Variants in NRXN3 observed in about 807,000 individuals in gnomAD.
NRXN3 encodes neurexin 3.
A neutral mutation model predicts 137.6 loss-of-function variants in NRXN3; 32 were observed. That is an observed-to-expected ratio of 0.23 (90% CI 0.18 to 0.31). The LOEUF (loss-of-function observed/expected upper bound fraction) is 0.31. NRXN3 is among the 10% of genes least tolerant of loss of function. The pLI, the probability that NRXN3 is intolerant of heterozygous loss-of-function variation, is 1.00. For synonymous variants in NRXN3, 798 were observed against 784.5 expected (o/e 1.02, Z -0.29); for missense variants, 1,574 against 2,062.5 (o/e 0.76, Z 4.59).
At chr14:79,045,245 C>T (rs2099631282) in intron 15 of NRXN3, among the ~76,000 whole-genome samples, 1 of 152,152 alleles carries the variant, frequency 6.6e-6, no homozygotes, top group South Asian at 2.1e-4. Context: ...CCTTCTTCAT[C>T]TCCTACTGCT....
chr14:78,839,519 C>T (rs763802674), intron 10 of NRXN3, among the ~76,000 whole-genome samples: 1 of 152,218 alleles, frequency 6.6e-6, no homozygotes, highest in Non-Finnish European at 1.5e-5. Flanking sequence ...GAGCTTTCCT[C>T]ACTGATGACA....
At chr14:79,622,470 C>T (rs1457801744) in intron 16 of NRXN3, among the ~76,000 whole-genome samples, 3 of 152,116 alleles carry the variant, frequency 2.0e-5, no homozygotes, top group Non-Finnish European at 2.9e-5. Context: ...AATTATTGTA[C>T]CTGTATGACA....
intron 15 of NRXN3, among the ~76,000 whole-genome samples, chr14:79,370,270 C>T (rs533242111): frequency 2.0e-5 from 3 of 151,864 alleles, no homozygotes; most frequent in African/African-American, 7.2e-5. Context: ...TATAGAACAA[C>T]CAGCTAAAGT....
rs376349041 is a variant in NRXN3 at position 79,865,773 on chromosome 14, G to A, written c.*3809G>A. 4 of 151,990 alleles carry A rather than the reference G, an allele frequency of 2.6e-5. No homozygotes were observed. The highest frequency in any genetic ancestry group is 2.1e-4 in the South Asian group (1 of 4,810). 9.4% of individuals were successfully genotyped at this position (151,990 alleles called of 1,614,324 possible). A position where few individuals can be genotyped will look rare whatever the true frequency, so the allele number is the denominator to read the frequency against. On this transcript the variant is annotated 3_prime_UTR_variant, in exon 21 of 21. Transcript: ENST00000335750. ...CCTGAGTAGCTGCGACTACAGGCAT[G>A]GGCCACCACACCCAGCTCATTTTTT...
At chr14:79,310,731 G>T (rs888400839) in intron 15 of NRXN3, among the ~76,000 whole-genome samples, 1 of 116,262 alleles carries the variant, frequency 8.6e-6, no homozygotes, top group Non-Finnish European at 1.7e-5. Context: ...TTGGCTCTCT[G>T]TTTGTCTGTT....
chr14:78,798,645 C>T (rs555522456), intron 8 of NRXN3, among the ~76,000 whole-genome samples: 15 of 152,356 alleles, frequency 9.8e-5, no homozygotes, highest in Admixed American at 2.6e-4. Flanking sequence ...CCACATTTCC[C>T]TTCGGCACTG....
chr14:79,801,017 A>G (rs1474546895), intron 19 of NRXN3, among the ~76,000 whole-genome samples: 2 of 152,206 alleles, frequency 1.3e-5, no homozygotes, highest in Non-Finnish European at 2.9e-5. Context: ...TTTCCATACT[A>G]CACAGTGTTC....
intron 15 of NRXN3, among the ~76,000 whole-genome samples, chr14:79,269,123 C>A (rs1452682179): frequency 6.6e-6 from 1 of 152,068 alleles, no homozygotes; most frequent in Non-Finnish European, 1.5e-5. Context: ...AATCTCGGCT[C>A]ACTGCAAGCT....
chr14:79,847,880 CTTTTT>C (rs72525147), intron 20 of NRXN3, among the ~76,000 whole-genome samples: 9 of 138,202 alleles, frequency 6.5e-5, no homozygotes, highest in Non-Finnish European at 1.4e-4. Context: ...GCCAGGAATT[CTTTTT>C]TTTTTTTTTC....
At chr14:78,926,908 T>A (rs1250201468) in intron 10 of NRXN3, among the ~76,000 whole-genome samples, 1 of 34,492 alleles carries the variant, frequency 2.9e-5, no homozygotes, top group Non-Finnish European at 4.1e-5. Flanking sequence ...ATAATATATA[T>A]AATATATATA....
intron 15 of NRXN3, among the ~76,000 whole-genome samples, chr14:79,073,611 G>A (rs2099691225): frequency 6.6e-6 from 1 of 152,174 alleles, no homozygotes; most frequent in African/African-American, 2.4e-5. Flanking sequence ...GCAATACAGT[G>A]TGTTAACAAC....
chr14:79,552,137 G>A (rs750295785), intron 16 of NRXN3, among the ~76,000 whole-genome samples: 1 of 152,152 alleles, frequency 6.6e-6, no homozygotes, highest in Non-Finnish European at 1.5e-5. Flanking sequence ...TTTTCAATTT[G>A]TTTATTCAGT....
chr14:79,453,608 G>A (rs2096211976), intron 15 of NRXN3, among the ~76,000 whole-genome samples: 2 of 152,198 alleles, frequency 1.3e-5, no homozygotes, highest in African/African-American at 4.8e-5. Flanking sequence ...CAGTAGCACA[G>A]TCTTGCTTGG....
At chr14:78,864,255 T>C (rs1291378069) in intron 10 of NRXN3, among the ~76,000 whole-genome samples, 4 of 152,288 alleles carry the variant, frequency 2.6e-5, no homozygotes, top group Non-Finnish European at 5.9e-5. Context: ...ACAAGTGAAC[T>C]TTTGAATAAA....
intron 15 of NRXN3, among the ~76,000 whole-genome samples, chr14:79,089,057 G>A (rs1245510867): frequency 2.6e-5 from 4 of 151,958 alleles, no homozygotes; most frequent in Non-Finnish European, 4.4e-5. Flanking sequence ...AGCAGGAAGC[G>A]GCAGAGGAAT....
In NRXN3 at chr14:79,514,510, C is replaced by T. The variant is rs114875070; in HGVS notation, c.3444+47108C>T. On this transcript the variant is annotated intron_variant, in intron 16 of 20. Coordinates refer to ENST00000335750, the MANE Select transcript of NRXN3 (RefSeq NM_001330195.2). ...TGCTTCCTCAGAGAAAGAAATACCTCGAACATCTCCATCAACTTCTTCATG... is the reference window on the plus strand; with the variant it reads ...TGCTTCCTCAGAGAAAGAAATACCTTGAACATCTCCATCAACTTCTTCATG... 8.6e-3 allele frequency among the ~76,000 whole-genome samples: 1,302 copies of T among 152,224 alleles called. 10 individuals carry two copies. Among genetic ancestry groups the T allele is most frequent in the African/African-American group, 0.03 (1,252 of 41,526 alleles).
At chr14:78,394,422 C>G (rs2091187813) in intron 4 of NRXN3, among the ~76,000 whole-genome samples, 1 of 151,584 alleles carries the variant, frequency 6.6e-6, no homozygotes, top group South Asian at 2.1e-4. Flanking sequence ...TGGAGTATAC[C>G]CCAGTTGGTC....
intron 4 of NRXN3, among the ~76,000 whole-genome samples, chr14:78,552,775 A>C (rs931418862): frequency 6.6e-6 from 1 of 152,238 alleles, no homozygotes; most frequent in Non-Finnish European, 1.5e-5. Context: ...TGATGGAATA[A>C]GACCTAGTGT....
intron 15 of NRXN3, among the ~76,000 whole-genome samples, chr14:79,392,786 A>G (rs1268443238): frequency 2.6e-5 from 4 of 152,008 alleles, no homozygotes; most frequent in African/African-American, 7.3e-5. Context: ...CCTGGCTAAC[A>G]TGATGAAACC....
Sources: allele counts gnomAD v4.1 joint callset (sites outside exome capture counted in the v4.1 genomes callset), GRCh38; gene constraint gnomAD v4.1.1; transcripts MANE v1.5; gene names NCBI Gene and HGNC (gene_info 2026-07-23, HGNC 2026-07-21).